Variants in SLC6A13 observed in about 807,000 individuals in gnomAD.
SLC6A13 encodes the protein solute carrier family 6 member 13, also known as sodium- and chloride-dependent GABA transporter 2.
In SLC6A13, 69 loss-of-function variants were observed where a neutral mutation model predicts 72.9. That is an observed-to-expected ratio of 0.95 (90% confidence interval 0.78 to 1.16). The LOEUF is 1.16. SLC6A13 is among the 50% of genes most tolerant of loss of function. The pLI is 0.00. For synonymous variants in SLC6A13, 303 were observed against 303.0 expected (o/e 1.00, Z 0.00); for missense variants, 735 against 760.5 (o/e 0.97, Z 0.39).
Position 223,772 on chromosome 12 carries a change from G to A in SLC6A13, c.1311+220C>T, listed in dbSNP as rs1565487946. 6 of 563,928 alleles carry A rather than the reference G, an allele frequency of 1.1e-5. No homozygotes were observed. In the South Asian group the frequency reaches 1.3e-4, roughly 12 times the overall value. The allele number at this position is 563,928 out of a possible 1,614,324, so 34.9% of individuals were successfully genotyped here. A position where few individuals can be genotyped will look rare whatever the true frequency, so the allele number is the denominator to read the frequency against. On this transcript the variant is annotated intron_variant, in intron 11 of 14. Coordinates refer to ENST00000343164, the MANE Select transcript of SLC6A13 (RefSeq NM_016615.5). ...TCTTCACTTACTGTGGAGCCAAATG[G>A]CTCCTCACCCATCCCTGGAGGTGGG... is the stretch of plus-strand genomic sequence containing the variant.
At chr12:258,667 G>C (rs1942825526) in intron 2 of SLC6A13, among the ~76,000 whole-genome samples, 1 of 152,154 alleles carries the variant, frequency 6.6e-6, no homozygotes, top group Non-Finnish European at 1.5e-5. Context: ...AATCCCTCTA[G>C]CTAGGGCTTC....
chr12:253,262 G>A (rs534611238), intron 2 of SLC6A13, among the ~76,000 whole-genome samples: 6 of 152,232 alleles, frequency 3.9e-5, no homozygotes, highest in Admixed American at 1.3e-4. Flanking sequence ...AATTTCTTAC[G>A]GCATAAACTG....
At chr12:234,840 T>G (rs1026430118) in intron 7 of SLC6A13, among the ~76,000 whole-genome samples, 1 of 152,174 alleles carries the variant, frequency 6.6e-6, no homozygotes, top group African/African-American at 2.4e-5. Flanking sequence ...TTAATAAGCT[T>G]GCTTTTGCTT....
intron 2 of SLC6A13, among the ~76,000 whole-genome samples, chr12:255,720 T>G (rs1178112283): frequency 6.6e-6 from 1 of 152,106 alleles, no homozygotes; most frequent in Non-Finnish European, 1.5e-5. Flanking sequence ...TAATGTGAGA[T>G]TACTGCTGCC....
intron 13 of SLC6A13, 128 bp from the exon 14 acceptor site, chr12:221,674 A>G (rs1941218395): frequency 3.2e-6 from 2 of 625,410 alleles, no homozygotes; most frequent in Admixed American, 3.1e-5. Flanking sequence ...TTCTGGACCA[A>G]TCAGCCTCCA....
intron 9 of SLC6A13, among the ~76,000 whole-genome samples, chr12:225,288 G>A (rs763543814): frequency 6.6e-5 from 10 of 152,246 alleles, no homozygotes; most frequent in South Asian, 2.1e-4. Context: ...GGGCCTGCCC[G>A]CAGGTTTCCG....
Position 226,534 on chromosome 12 carries a change from A to G in SLC6A13, c.936-20T>C. 1 of 1,611,996 alleles carries G rather than the reference A, an allele frequency of 6.2e-7. No individual in the cohort carries two copies. The highest frequency in any genetic ancestry group is 8.5e-7 in the Non-Finnish European group (1 of 1,178,990). On this transcript the variant is annotated intron_variant, in intron 8 of 14. Coordinates refer to ENST00000343164, the MANE Select transcript of SLC6A13 (RefSeq NM_016615.5). ...CAGTCCCTGTGGGGCAGGGGTGAGG[A>G]GAGGGCGGAATGGCAGGGTCAGAAC...
chr12:246,545 T>C (rs192903738), intron 2 of SLC6A13, among the ~76,000 whole-genome samples: 24 of 152,224 alleles, frequency 1.6e-4, no homozygotes, highest in Admixed American at 5.2e-4. Flanking sequence ...GTTAGGGATA[T>C]AAAAGATATT....
chr12:237,052 CG>C, intron 6 of SLC6A13, 105 bp downstream of exon 6: 1 of 1,250,004 alleles, frequency 8.0e-7, no homozygotes, highest in Non-Finnish European at 1.1e-6. Context: ...GCTGGGTCAT[CG>C]CCTCCCATCC....
chr12:227,534 T>C (rs776199471), intron 8 of SLC6A13, 31 bp downstream of exon 8: 6 of 1,612,730 alleles, frequency 3.7e-6, no homozygotes, highest in Non-Finnish European at 4.2e-6. Context: ...GAGATGCAGG[T>C]GTGTGGCTCA....
intron 6 of SLC6A13, 139 bp downstream of exon 6, chr12:237,019 G>T: frequency 1.1e-6 from 1 of 903,220 alleles, no homozygotes; most frequent in Non-Finnish European, 1.7e-6. Flanking sequence ...GAGAATCAAG[G>T]AAGGGAGCCA....
chr12:236,809 C>T (rs541411522), intron 6 of SLC6A13: 67 of 169,894 alleles, frequency 3.9e-4, no homozygotes, highest in African/African-American at 1.5e-3. Context: ...GATTAAGAAT[C>T]ATTTTGAGAT....
In SLC6A13 at chr12:220,929, C is replaced by G; in HGVS notation, c.*19G>C. 1 of 1,610,924 alleles carries G rather than the reference C, an allele frequency of 6.2e-7. No individual in the cohort carries two copies. Among genetic ancestry groups the G allele is most frequent in the Non-Finnish European group, 8.5e-7 (1 of 1,179,788 alleles). On this transcript the variant is annotated 3_prime_UTR_variant, in exon 15 of 15. Transcript: ENST00000343164. ...ATCCCCAAGGCCAGGCACACAGGCA[C>G]CATCCAAGGGCCTGCCCCCTAGCAG...
At chr12:223,496 C>G (rs124440) in intron 11 of SLC6A13, among the ~76,000 whole-genome samples, 49,756 of 152,122 alleles carry the variant, frequency 0.33, 12,361 homozygotes, top group African/African-American at 0.67. Context: ...AACACTTAGG[C>G]ACTGGCCACG....
At position 235,192 on chromosome 12, in the gene SLC6A13, G is replaced by A. The variant is rs745536047; in HGVS notation, c.729C>T (p.Leu243=). Residue 243 remains leucine (L), a synonymous_variant, in exon 7 of 15, where the codon CTC becomes CTT. Coordinates refer to ENST00000343164, the MANE Select transcript of SLC6A13 (RefSeq NM_016615.5). ...VVYFTATFPY[L]MLVVLLIRGV... is the part of the protein sequence containing the mutation. ...CTCGAATTAACAGGACCACCAGCAT[G>A]AGGTAAGGAAATGTGGCCGTGAAGT... 3.1e-6 allele frequency: 5 copies of A among 1,614,108 alleles called. No individual in the cohort carries two copies. The highest frequency in any genetic ancestry group is 1.7e-5 in the Admixed American group (1 of 60,010).
chr12:223,979 C>G lies in SLC6A13; in HGVS notation c.1311+13G>C, dbSNP rs757983715. ...CCTCCTCCCCAGCCTTCCCCCGCTT[C>G]CCAGGCCCTCACCTCTGTGAGCATG... On this transcript the variant is annotated intron_variant, in intron 11 of 14. Transcript: ENST00000343164. 1 of 1,609,840 alleles carries G rather than the reference C, an allele frequency of 6.2e-7. No homozygotes were observed. The highest frequency in any genetic ancestry group is 8.5e-7 in the Non-Finnish European group (1 of 1,177,766).
chr12:239,325 A>AT (rs112387179), intron 4 of SLC6A13, among the ~76,000 whole-genome samples: 1 of 145,798 alleles, frequency 6.9e-6, no homozygotes, highest in Admixed American at 7.0e-5. Context: ...TTCCCACACC[A>AT]TTCCCCTCAG....
intron 2 of SLC6A13, among the ~76,000 whole-genome samples, chr12:255,161 C>T (rs535147): frequency 0.039 from 5,905 of 152,152 alleles, 356 homozygotes; most frequent in African/African-American, 0.13. Context: ...CATCTCATCG[C>T]GGGGGCTCTA....
chr12:221,976 A>G (rs964871510), intron 13 of SLC6A13, among the ~76,000 whole-genome samples: 3 of 152,200 alleles, frequency 2.0e-5, no homozygotes, highest in African/African-American at 7.2e-5. Context: ...AGGCCAAAGG[A>G]AGCTGCGCGT....
Sources: allele counts gnomAD v4.1 joint callset (sites outside exome capture counted in the v4.1 genomes callset), GRCh38; gene constraint gnomAD v4.1.1; transcripts MANE v1.5; gene names NCBI Gene and HGNC (gene_info 2026-07-23, HGNC 2026-07-21).